The following ARHGEF28 variants were observed in gnomAD, a reference collection of about 807,000 sequenced individuals.
The protein encoded by ARHGEF28 is Rho guanine nucleotide exchange factor 28.
Under a neutral mutation model 206.6 loss-of-function variants are expected in ARHGEF28, and 152 were observed. The observed-to-expected ratio is 0.74, with a 90% confidence interval of 0.64 to 0.84. The LOEUF (loss-of-function observed/expected upper bound fraction) is 0.84. Ranked by LOEUF, ARHGEF28 falls within the 40% of genes least tolerant of loss-of-function variation. The probability of loss-of-function intolerance (pLI) is 0.00; values close to 1 mark genes in which losing one functional copy is unlikely to be tolerated. For synonymous variants in ARHGEF28, 763 were observed against 776.4 expected (o/e 0.98, Z 0.29); for missense variants, 2,028 against 2,073.2 (o/e 0.98, Z 0.42).
intron 2 of ARHGEF28, among the ~76,000 whole-genome samples, chr5:73,699,574 G>A (rs932167845): frequency 2.0e-5 from 3 of 152,118 alleles, no homozygotes; most frequent in Non-Finnish European, 4.4e-5. Flanking sequence ...TAACATATAC[G>A]GGAGGGCTCT....
chr5:73,663,357 G>A (rs1745738768), intron 1 of ARHGEF28, among the ~76,000 whole-genome samples: 1 of 152,208 alleles, frequency 6.6e-6, no homozygotes, highest in African/African-American at 2.4e-5. Context: ...TAGGCACCGA[G>A]TGCTGGATCT....
chr5:73,789,340 C>A (rs897329483), intron 7 of ARHGEF28, among the ~76,000 whole-genome samples: 7 of 152,108 alleles, frequency 4.6e-5, no homozygotes, highest in African/African-American at 1.4e-4. Context: ...CCAGAATAGG[C>A]AATTCTGTTG....
At chr5:73,707,471 A>C (rs1305280733) in intron 2 of ARHGEF28, among the ~76,000 whole-genome samples, 1 of 152,192 alleles carries the variant, frequency 6.6e-6, no homozygotes, top group Non-Finnish European at 1.5e-5. Context: ...GGCTTGATAG[A>C]GTGGGCTAGC....
At chr5:73,927,206 AT>A (rs1168112325) in intron 35 of ARHGEF28, among the ~76,000 whole-genome samples, 4 of 151,890 alleles carry the variant, frequency 2.6e-5, no homozygotes, top group Non-Finnish European at 2.9e-5. Flanking sequence ...AAAAAAAAAA[AT>A]AAAAATAAAA....
At chr5:73,916,460 G>A (rs1763216833) in intron 35 of ARHGEF28, among the ~76,000 whole-genome samples, 1 of 152,172 alleles carries the variant, frequency 6.6e-6, no homozygotes, top group Non-Finnish European at 1.5e-5. Flanking sequence ...GCTAGAATTA[G>A]GGATCAAGGT....
intron 9 of ARHGEF28, among the ~76,000 whole-genome samples, chr5:73,808,257 G>A (rs1755630025): frequency 6.6e-6 from 1 of 152,016 alleles, no homozygotes. Context: ...GCTGGGGGTT[G>A]GGGGAGGTAG....
At chr5:73,867,142 A>G (rs1759756342) in intron 18 of ARHGEF28, among the ~76,000 whole-genome samples, 1 of 152,208 alleles carries the variant, frequency 6.6e-6, no homozygotes, top group African/African-American at 2.4e-5. Flanking sequence ...TCCTCTTCAC[A>G]TGGGAGTCAT....
At chr5:73,864,771 T>A in intron 16 of ARHGEF28, 46 bp from the exon 17 acceptor site, 1 of 1,540,952 alleles carries the variant, frequency 6.5e-7, no homozygotes, top group Non-Finnish European at 8.9e-7. Flanking sequence ...AATTTCAGAC[T>A]AATTAAGTAA....
chr5:73,798,046 C>T (rs1754926518), intron 9 of ARHGEF28, among the ~76,000 whole-genome samples: 1 of 152,024 alleles, frequency 6.6e-6, no homozygotes, highest in African/African-American at 2.4e-5. Context: ...TTTTCTTTCT[C>T]CTTCTAGAAG....
chr5:73,783,378 G>A lies in ARHGEF28; in HGVS notation c.910+2633G>A, dbSNP rs565230095. On this transcript the variant is annotated intron_variant, in intron 7 of 35. Transcript: ENST00000513042. The stretch of plus-strand genomic sequence containing the variant: ...TGTGTGTGTGTGTGTGTGTGTGTGT[G>A]TGTGTGTATGTGTGTGTGTGCGCGC... Among the ~76,000 whole-genome samples the A allele has an allele frequency of 8.5e-3, 1,151 of 135,568 alleles. 10 individuals are homozygous for A. Among genetic ancestry groups the A allele is most frequent in the East Asian group, 0.018 (87 of 4,834 alleles). The allele number at this position is 135,568 out of a possible 152,430, so 88.9% of individuals were successfully genotyped here.
chr5:73,869,130 ATC>A (rs1187627665), intron 20 of ARHGEF28, among the ~76,000 whole-genome samples: 1 of 142,712 alleles, frequency 7.0e-6, no homozygotes, highest in African/African-American at 2.6e-5. Flanking sequence ...ATTCATTGTC[ATC>A]TCATTTGTAC....
intron 1 of ARHGEF28, among the ~76,000 whole-genome samples, chr5:73,639,203 TAGGG>T (rs1743913475): frequency 6.7e-6 from 1 of 149,646 alleles, no homozygotes; most frequent in African/African-American, 2.4e-5. Context: ...CTTGAGAGAT[TAGGG>T]AGGATTTTCA....
intron 1 of ARHGEF28, among the ~76,000 whole-genome samples, chr5:73,628,327 A>G (rs905175958): frequency 4.6e-4 from 70 of 152,312 alleles, no homozygotes; most frequent in Non-Finnish European, 4.7e-4. Flanking sequence ...GTACACCACT[A>G]TATTGGTACC....
chr5:73,834,827 T>C (rs1005470199), intron 10 of ARHGEF28, among the ~76,000 whole-genome samples: 1 of 152,156 alleles, frequency 6.6e-6, no homozygotes, highest in African/African-American at 2.4e-5. Flanking sequence ...AAGGCTATAC[T>C]AGCAGGTTTG....
At chr5:73,811,839 C>T (rs748866738) in intron 9 of ARHGEF28, among the ~76,000 whole-genome samples, 14 of 151,752 alleles carry the variant, frequency 9.2e-5, no homozygotes, top group Non-Finnish European at 1.9e-4. Flanking sequence ...AAAAATTAGC[C>T]GGGTGTGGTG....
intron 2 of ARHGEF28, among the ~76,000 whole-genome samples, chr5:73,699,039 T>C (rs1263855715): frequency 6.6e-6 from 1 of 152,156 alleles, no homozygotes; most frequent in Non-Finnish European, 1.5e-5. Flanking sequence ...CATGTACTTA[T>C]ACTTAATTTT....
rs1288393000 is a variant in ARHGEF28, at chr5:73,901,089, T to C, written c.3974-95T>C. ...GTATTATTTTGTGGTGTTTCCTATT[T>C]TGAAATATGTGTTGGCCGTGTACAG... is the stretch of plus-strand genomic sequence containing the variant. On this transcript the variant is annotated intron_variant, in intron 30 of 35. Transcript: ENST00000513042. 8 of 923,774 alleles carry C rather than the reference T, an allele frequency of 8.7e-6. No individual in the cohort carries two copies. In the East Asian group the frequency reaches 1.4e-4, roughly 16 times the overall value. The allele number at this position is 923,774 out of a possible 1,614,324, so 57.2% of individuals were successfully genotyped here.
intron 2 of ARHGEF28, among the ~76,000 whole-genome samples, 153 bp from the exon 3 acceptor site, chr5:73,749,684 T>C (rs1453726570): frequency 6.6e-6 from 1 of 152,202 alleles, no homozygotes; most frequent in East Asian, 1.9e-4. Flanking sequence ...TCAAATGTGT[T>C]GTTGTTGGAA....
intron 1 of ARHGEF28, among the ~76,000 whole-genome samples, chr5:73,626,953 G>A (rs1370985489): frequency 6.6e-6 from 1 of 152,200 alleles, no homozygotes; most frequent in Non-Finnish European, 1.5e-5. Flanking sequence ...TGGTGCCCCA[G>A]CCTTCCCGTG....
Sources: gnomAD v4.1 joint callset for allele counts (sites outside exome capture counted in the v4.1 genomes callset) on GRCh38, gnomAD v4.1.1 for gene constraint, MANE v1.5 for transcripts, NCBI Gene and HGNC (gene_info 2026-07-23, HGNC 2026-07-21) for gene names.